The following SLC8A3 variants were observed in gnomAD, a reference collection of about 807,000 sequenced individuals.
SLC8A3 encodes sodium/calcium exchanger 3.
Under a neutral mutation model 65.4 loss-of-function variants are expected in SLC8A3, and 37 were observed. The ratio of observed to expected loss-of-function variants is 0.57; its 90% CI spans 0.44 to 0.74. The LOEUF (loss-of-function observed/expected upper bound fraction) is 0.74, where lower values mean the gene tolerates loss of function less well. Among genes scored for constraint, SLC8A3 ranks in the 30% least tolerant of loss-of-function variants. SLC8A3 has a pLI of 0.00. For missense variants in SLC8A3, 1,112 were observed against 1,172.1 expected (o/e 0.95, Z 0.75); for synonymous variants, 461 against 444.5 (o/e 1.04, Z -0.47).
chr14:70,119,783 T>C (rs549057169), intron 2 of SLC8A3, among the ~76,000 whole-genome samples: 51 of 152,350 alleles, frequency 3.3e-4, no homozygotes, highest in South Asian at 1.7e-3. Context: ...CATAGGATTG[T>C]TGTGAAGATT....
Position 70,049,002 on chromosome 14 carries a change from C to G in SLC8A3, c.2154G>C (p.Leu718=). The G allele has an allele frequency of 6.2e-7, 1 of 1,613,798 alleles. No homozygotes were observed. The highest frequency in any genetic ancestry group is 8.5e-7 in the Non-Finnish European group (1 of 1,179,740). Residue 718 remains leucine (L), a synonymous_variant, in exon 6 of 7, where the codon CTG becomes CTC. Transcript: ENST00000356921. ...GCATGACGTAGTCAAAGCAGGAGGG[C>G]AGCCTCTCCTCCCCGGATTCATCCT... ...EDEDESGEER[L]PSCFDYVMHF...
At chr14:70,184,048 C>G (rs1468404308) in intron 1 of SLC8A3, among the ~76,000 whole-genome samples, 1 of 152,178 alleles carries the variant, frequency 6.6e-6, no homozygotes, top group Non-Finnish European at 1.5e-5. Flanking sequence ...TCTAATAAAT[C>G]TGCCTTTTAT....
Position 70,046,424 on chromosome 14 carries a change from C to A in SLC8A3, c.2390-101G>T. The A allele has an allele frequency of 7.9e-7, 1 of 1,258,314 alleles. No individual in the cohort carries two copies. The highest frequency in any genetic ancestry group is 1.5e-5 in the African/African-American group (1 of 67,074). The allele number at this position is 1,258,314 out of a possible 1,614,324, so 77.9% of individuals were successfully genotyped here. ...AAGCAGCTTGAGCTGGTGGGCTGAA[C>A]CCAGGAATGAGAGACAAGGGCTAGG... On this transcript the variant is annotated intron_variant, in intron 6 of 6. Coordinates refer to ENST00000356921, the MANE Select transcript of SLC8A3 (RefSeq NM_182932.3). The surrounding 1 kb of genome is among the most constrained non-coding windows in gnomAD (Gnocchi z 4.2).
chr14:70,084,849 T>A (rs565811186), intron 2 of SLC8A3, among the ~76,000 whole-genome samples: 1 of 152,250 alleles, frequency 6.6e-6, no homozygotes, highest in South Asian at 2.1e-4. Context: ...CAAATGGTAC[T>A]TGTTTGACAT....
chr14:70,166,075 A>G (rs1214521438), intron 2 of SLC8A3, among the ~76,000 whole-genome samples: 1 of 152,232 alleles, frequency 6.6e-6, no homozygotes, highest in Non-Finnish European at 1.5e-5. Flanking sequence ...CTAAATTTCT[A>G]TCAATTTTGC....
chr14:70,050,949 G>C, intron 5 of SLC8A3, 59 bp downstream of exon 5: 1 of 1,099,618 alleles, frequency 9.1e-7, no homozygotes, highest in African/African-American at 1.5e-5. Flanking sequence ...GTGGCTTTAC[G>C]CTTCCTTCTC....
intron 2 of SLC8A3, among the ~76,000 whole-genome samples, chr14:70,140,807 A>G (rs17107816): frequency 0.034 from 5,147 of 151,442 alleles, 301 homozygotes; most frequent in African/African-American, 0.12. Flanking sequence ...AGCCACTATC[A>G]GCAGCACCTG....
chr14:70,165,815 G>A (rs1193156484), intron 2 of SLC8A3, among the ~76,000 whole-genome samples: 1 of 152,230 alleles, frequency 6.6e-6, no homozygotes, highest in Admixed American at 6.5e-5. Flanking sequence ...GGTACTTCAG[G>A]AGAGTCCTAG....
intron 2 of SLC8A3, among the ~76,000 whole-genome samples, chr14:70,165,505 T>C (rs1255011646): frequency 6.6e-6 from 1 of 152,212 alleles, no homozygotes; most frequent in Non-Finnish European, 1.5e-5. Flanking sequence ...ATGCTCCTTT[T>C]ACTCTTCACA....
rs1244615803 is a variant in SLC8A3, at chr14:70,079,962, TA to T, written c.1785-19024del. The T allele has an allele frequency of 2.1e-5, 8 of 374,990 alleles. No homozygotes were observed. In the Admixed American group the frequency reaches 5.1e-4, roughly 24 times the overall value. 23.2% of individuals were successfully genotyped at this position (374,990 alleles called of 1,614,324 possible). On this transcript the variant is annotated intron_variant, in intron 2 of 6. Coordinates refer to ENST00000356921, the MANE Select transcript of SLC8A3 (RefSeq NM_182932.3). ...GCTGTGTGACCTTGGCCAAATCTCTTACCTCTTTGAGCTTCCGTTTCTTCAG... is the reference window on the plus strand; with the variant it reads ...GCTGTGTGACCTTGGCCAAATCTCTTCCTCTTTGAGCTTCCGTTTCTTCAG...
At chr14:70,092,738 G>C (rs1397031199) in intron 2 of SLC8A3, among the ~76,000 whole-genome samples, 1 of 152,122 alleles carries the variant, frequency 6.6e-6, no homozygotes, top group Non-Finnish European at 1.5e-5. Context: ...CAGTTTGAGA[G>C]AAAAAAGATG....
At chr14:70,061,575 A>G (rs1888813737) in intron 2 of SLC8A3, among the ~76,000 whole-genome samples, 1 of 152,060 alleles carries the variant, frequency 6.6e-6, no homozygotes, top group African/African-American at 2.4e-5. Context: ...AGAAAGAGAG[A>G]GAGAGAGAGA....
chr14:70,121,072 A>G (rs565176947), intron 2 of SLC8A3, among the ~76,000 whole-genome samples: 1 of 152,360 alleles, frequency 6.6e-6, no homozygotes, highest in African/African-American at 2.4e-5. Flanking sequence ...AATCTGCAAC[A>G]TGACAACAAT....
chr14:70,061,329 TA>T (rs1402555910), intron 2 of SLC8A3, among the ~76,000 whole-genome samples: 1 of 152,094 alleles, frequency 6.6e-6, no homozygotes, highest in African/African-American at 2.4e-5. Flanking sequence ...TGTCACATGA[TA>T]ACAGTGGCAT....
chr14:70,182,641 A>G (rs773164823), intron 1 of SLC8A3, among the ~76,000 whole-genome samples: 1 of 152,122 alleles, frequency 6.6e-6, no homozygotes, highest in Non-Finnish European at 1.5e-5. Context: ...GTTGGATGAG[A>G]CTTGGGGAGA....
At chr14:70,160,177 GCTCACGCCTGTAAT>G (rs1306263302) in intron 2 of SLC8A3, among the ~76,000 whole-genome samples, 1 of 152,212 alleles carries the variant, frequency 6.6e-6, no homozygotes, top group African/African-American at 2.4e-5. Context: ...GGACGTGGTA[GCTCACGCCTGTAAT>G]CCCAGCTTTT....
intron 2 of SLC8A3, among the ~76,000 whole-genome samples, chr14:70,072,849 T>C (rs574923793): frequency 6.6e-6 from 1 of 152,278 alleles, no homozygotes; most frequent in Non-Finnish European, 1.5e-5. Context: ...GGTTTTGCCA[T>C]GTTGGCCCGG....
In SLC8A3 at chr14:70,167,285, C is replaced by T. The variant is rs144693485; in HGVS notation, c.1138G>A (p.Ala380Thr). 3 of 1,614,206 alleles carry T rather than the reference C, an allele frequency of 1.9e-6. No homozygotes were observed. The highest frequency in any genetic ancestry group is 2.5e-6 in the Non-Finnish European group (3 of 1,180,044). Residue 380 changes from alanine (A) to threonine (T), a missense_variant, in exon 2 of 7, where the codon GCC (alanine) becomes ACC (threonine). Coordinates refer to ENST00000356921, the MANE Select transcript of SLC8A3 (RefSeq NM_182932.3). Reference protein sequence around the residue: ...KKHAAEQAKKASSMSEVHTDE... With the variant: ...KKHAAEQAKKTSSMSEVHTDE... Reference sequence around the variant, plus strand: ...GTGTGCACCTCGCTCATGCTGGAGGCCTTCTTGGCTTGTTCTGCTGCATGT... The same window carrying T: ...GTGTGCACCTCGCTCATGCTGGAGGTCTTCTTGGCTTGTTCTGCTGCATGT...
At chr14:70,166,591 G>GGCAA (rs1897172627) in intron 2 of SLC8A3, 48 bp downstream of exon 2, 1 of 1,057,632 alleles carries the variant, frequency 9.5e-7, no homozygotes, top group African/African-American at 1.6e-5. Flanking sequence ...AGAAAGAGAT[G>GGCAA]GCAAAAGATG....
Sources: gnomAD v4.1 joint callset for allele counts (sites outside exome capture counted in the v4.1 genomes callset) on GRCh38, gnomAD v4.1.1 for gene constraint, Gnocchi (gnomAD v3.1) non-coding constraint, MANE v1.5 for transcripts, NCBI Gene and HGNC (gene_info 2026-07-23, HGNC 2026-07-21) for gene names.